The following OR6J1 variants were observed in gnomAD, a reference collection of about 807,000 sequenced individuals.
OR6J1 encodes olfactory receptor family 6 subfamily J member 1.
For missense variants in OR6J1, 304 were observed against 166.8 expected, an observed-to-expected ratio of 1.82 and a Z score of -4.53; for synonymous variants, 109 against 70.0, an observed-to-expected ratio of 1.56 and a Z score of -2.78.
At chr14:22,641,538 AGAAG>A (rs1566398059) in intron 1 of OR6J1, among the ~76,000 whole-genome samples, 1 of 142,910 alleles carries the variant, frequency 7.0e-6, no homozygotes. Context: ...AAGGAAAGAA[AGAAG>A]GAAGGAAGAA....
Position 22,633,450 on chromosome 14 carries a change from A to T in OR6J1, c.*318T>A, listed in dbSNP as rs2037560816. 7.5e-6 allele frequency: 2 copies of T among 265,256 alleles called. No individual in the cohort carries two copies. The highest frequency in any genetic ancestry group is 9.5e-5 in the Admixed American group (2 of 21,018). The allele number at this position is 265,256 out of a possible 1,614,324, so 16.4% of individuals were successfully genotyped here. On this transcript the variant is annotated 3_prime_UTR_variant, in exon 2 of 2. Transcript: ENST00000540461. Reference sequence around the variant, plus strand: ...TCAGGAAGGACTTCGTGTCAAGCCGATAGAACAGTTGTGTTCGGGATCCAT... The same window carrying T: ...TCAGGAAGGACTTCGTGTCAAGCCGTTAGAACAGTTGTGTTCGGGATCCAT...
rs1179619066 is a variant in OR6J1, at chr14:22,639,292, G to C, written c.-27-4454C>G. Among the ~76,000 whole-genome samples the C allele has an allele frequency of 6.3e-5, 8 of 127,722 alleles. 2 individuals carry two copies. The highest frequency in any genetic ancestry group is 3.0e-4 in the African/African-American group (8 of 27,050). 83.8% of individuals were successfully genotyped at this position (127,722 alleles called of 152,430 possible). A position where few individuals can be genotyped will look rare whatever the true frequency, so the allele number is the denominator to read the frequency against. ...CGTCCGGGAGGTGAGGGGCGCCTCT[G>C]CCCGGCCGCCCCTACTGGGAAGTGA... On this transcript the variant is annotated intron_variant, in intron 1 of 1. Transcript: ENST00000540461.
intron 1 of OR6J1, among the ~76,000 whole-genome samples, chr14:22,636,839 G>T (rs61972435): frequency 8.5e-6 from 1 of 117,060 alleles, no homozygotes. Context: ...CCGCCACCCC[G>T]TCTGGGAAGT....
At chr14:22,639,218 T>C in intron 1 of OR6J1, among the ~76,000 whole-genome samples, 1 of 118,166 alleles carries the variant, frequency 8.5e-6, no homozygotes. Context: ...AGCCACCCCG[T>C]CCGGGAGGGA....
intron 1 of OR6J1, among the ~76,000 whole-genome samples, chr14:22,643,700 C>T (rs1273108743): frequency 7.0e-6 from 1 of 143,810 alleles, no homozygotes; most frequent in African/African-American, 2.5e-5. Flanking sequence ...AGCCCTGACC[C>T]CTGGCATGGC....
At position 22,634,762 on chromosome 14, in the gene OR6J1, G is replaced by C; in HGVS notation, c.50C>G (p.Ser17Cys). 1 of 703,476 alleles carries C rather than the reference G, an allele frequency of 1.4e-6. No individual in the cohort carries two copies. Among genetic ancestry groups the C allele is most frequent in the Non-Finnish European group, 2.6e-6 (1 of 384,930 alleles). The allele number at this position is 703,476 out of a possible 1,614,324, so 43.6% of individuals were successfully genotyped here. ...CAGCAGCTCCACCTCCCTGCTCAGG[G>C]AAAACCCCAGCAGAACAAACTCAGT... ...AVTEFVLLGFSLSREVELLLL... is the reference protein window; with the variant it reads ...AVTEFVLLGFCLSREVELLLL... Residue 17 changes from serine (S) to cysteine (C), a missense_variant, in exon 2 of 2, where the codon TCC becomes TGC. Physicochemically the swap from Ser to Cys is moderately radical, Grantham distance 112. Transcript: ENST00000540461.
intron 1 of OR6J1, among the ~76,000 whole-genome samples, chr14:22,639,151 G>A (rs1266898443): frequency 9.4e-6 from 1 of 106,108 alleles, no homozygotes; most frequent in Admixed American, 8.0e-5. Flanking sequence ...GAGAAGTGAG[G>A]AGCCTCTCCG....
At chr14:22,638,100 T>G (rs2037609275) in intron 1 of OR6J1, among the ~76,000 whole-genome samples, 1 of 89,664 alleles carries the variant, frequency 1.1e-5, no homozygotes, top group African/African-American at 7.3e-5. Flanking sequence ...CGGCCGCCCC[T>G]ACTGGGAAGT....
At chr14:22,638,942 C>T (rs1389115758) in intron 1 of OR6J1, among the ~76,000 whole-genome samples, 1 of 112,986 alleles carries the variant, frequency 8.9e-6, no homozygotes, top group Non-Finnish European at 1.8e-5. Context: ...GGCCGCCCAT[C>T]GTCTGAGATG....
intron 1 of OR6J1, among the ~76,000 whole-genome samples, chr14:22,641,104 G>C (rs1430492561): frequency 6.6e-6 from 1 of 150,686 alleles, no homozygotes; most frequent in African/African-American, 2.4e-5. Context: ...AGGAGCTTCA[G>C]TGAGCCATGA....
intron 1 of OR6J1, among the ~76,000 whole-genome samples, chr14:22,643,354 G>C (rs1566398618): frequency 6.6e-6 from 1 of 151,736 alleles, no homozygotes; most frequent in Non-Finnish European, 1.5e-5. Flanking sequence ...GGAGTGCAGT[G>C]GTGCAATCAT....
Position 22,631,150 on chromosome 14 carries a change from A to G in OR6J1, c.*2618T>C. Reference sequence around the variant, plus strand: ...ATCACAGGACCACAGGACCAGGGTGAAATTAAAATTGCTAATGAAGTTTCG... The same window carrying G: ...ATCACAGGACCACAGGACCAGGGTGGAATTAAAATTGCTAATGAAGTTTCG... On this transcript the variant is annotated 3_prime_UTR_variant, in exon 2 of 2. Coordinates refer to ENST00000540461, the MANE Select transcript of OR6J1 (RefSeq NM_001348233.2). 1 of 152,226 alleles carries G rather than the reference A, an allele frequency of 6.6e-6. No homozygotes were observed. The highest frequency in any genetic ancestry group is 1.9e-4 in the East Asian group (1 of 5,198). 9.4% of individuals were successfully genotyped at this position (152,226 alleles called of 1,614,324 possible).
rs557462231 is a variant in OR6J1 at position 22,633,970 on chromosome 14, G to A, written c.842C>T (p.Thr281Ile). 3.3e-5 allele frequency: 23 copies of A among 702,886 alleles called. No homozygotes were observed. The East Asian group carries it at 3.8e-4, about 11-fold the overall frequency. 43.5% of individuals were successfully genotyped at this position (702,886 alleles called of 1,614,324 possible). A position where few individuals can be genotyped will look rare whatever the true frequency, so the allele number is the denominator to read the frequency against. Residue 281 changes from threonine to isoleucine, a missense_variant, in exon 2 of 2, where the codon ACT (threonine) becomes ATT (isoleucine). Thr to Ile is a moderately conservative substitution (Grantham distance 89). Transcript: ENST00000540461. ...KIPLVLSSVV[T>I]PFLNPFIYTL... The stretch of plus-strand genomic sequence containing the variant: ...ATATATAAAGGGGTTGAGGAATGGA[G>A]TCACCACACTGCTCAGAACCAAAGG...
chr14:22,636,745 G>A (rs1378229293), intron 1 of OR6J1, among the ~76,000 whole-genome samples: 1,581 of 115,606 alleles, frequency 0.014, 13 homozygotes, highest in Non-Finnish European at 0.019. Flanking sequence ...GAGTGCAGTG[G>A]CGTGATCTCG....
rs2037561473 is a variant in OR6J1, at chr14:22,633,558, TG to T, written c.*209del. The T allele has an allele frequency of 5.6e-6, 3 of 534,110 alleles. No homozygotes were observed. In the African/African-American group the frequency reaches 5.7e-5, roughly 10 times the overall value. 33.1% of individuals were successfully genotyped at this position (534,110 alleles called of 1,614,324 possible). A position where few individuals can be genotyped will look rare whatever the true frequency, so the allele number is the denominator to read the frequency against. ...CCATTCTTACAATATTCAGTGTGGA[TG>T]GGGCTTAGAGATCATCAAGTCCAGC... is the stretch of plus-strand genomic sequence containing the variant. On this transcript the variant is annotated 3_prime_UTR_variant, in exon 2 of 2. Transcript: ENST00000540461.
chr14:22,631,555 T>C lies in OR6J1; in HGVS notation c.*2213A>G, dbSNP rs1386694578. 6.6e-6 allele frequency: 1 copy of C among 152,238 alleles called. No homozygotes were observed. The highest frequency in any genetic ancestry group is 6.5e-5 in the Admixed American group (1 of 15,284). 9.4% of individuals were successfully genotyped at this position (152,238 alleles called of 1,614,324 possible). A position where few individuals can be genotyped will look rare whatever the true frequency, so the allele number is the denominator to read the frequency against. Reference sequence around the variant, plus strand: ...ACAATTGCTGTTATCCTGTTCTTTTTCCAAGGTGCCCAGATTTCGTATTTG... The same window carrying C: ...ACAATTGCTGTTATCCTGTTCTTTTCCCAAGGTGCCCAGATTTCGTATTTG... On this transcript the variant is annotated 3_prime_UTR_variant, in exon 2 of 2. Coordinates refer to ENST00000540461, the MANE Select transcript of OR6J1 (RefSeq NM_001348233.2).
chr14:22,637,645 C>T (rs2037601932), intron 1 of OR6J1, among the ~76,000 whole-genome samples: 1 of 76,364 alleles, frequency 1.3e-5, no homozygotes, highest in South Asian at 3.9e-4. Flanking sequence ...GGGGGGTCAG[C>T]CCCCCGCCCG....
Position 22,638,643 on chromosome 14 carries a change from G to C in OR6J1, c.-27-3805C>G, listed in dbSNP as rs562517439. The stretch of plus-strand genomic sequence containing the variant: ...CCCTCTGCGAGAAACACCCAAGAAT[G>C]ATCAATAAAAAAAATAAAAATAAAA... On this transcript the variant is annotated intron_variant, in intron 1 of 1. Coordinates refer to ENST00000540461, the MANE Select transcript of OR6J1 (RefSeq NM_001348233.2). Among the ~76,000 whole-genome samples the C allele has an allele frequency of 3.7e-4, 20 of 54,716 alleles. 2 individuals are homozygous for C. In the East Asian group the frequency reaches 6.7e-3, roughly 18 times the overall value. The allele number at this position is 54,716 out of a possible 152,430, so 35.9% of individuals were successfully genotyped here.
At chr14:22,641,237 G>GAAAGAAA (rs1406735449) in intron 1 of OR6J1, among the ~76,000 whole-genome samples, 1 of 30,328 alleles carries the variant, frequency 3.3e-5, no homozygotes, top group Non-Finnish European at 7.3e-5. Flanking sequence ...AAGAAAGAAA[G>GAAAGAAA]AAAGAAAGAA....
Sources: gnomAD v4.1 joint callset for allele counts (sites outside exome capture counted in the v4.1 genomes callset) on GRCh38, gnomAD v4.1.1 for gene constraint, MANE v1.5 for transcripts, NCBI Gene and HGNC (gene_info 2026-07-23, HGNC 2026-07-21) for gene names.